OTUD7B: variants seen among roughly 807,000 people sequenced by gnomAD.
OTUD7B encodes the protein OTU deubiquitinase 7B.
A neutral mutation model predicts 82.2 loss-of-function variants in OTUD7B; 34 were observed. The ratio of observed to expected loss-of-function variants is 0.41; its 90% CI spans 0.31 to 0.55. The LOEUF (loss-of-function observed/expected upper bound fraction) is 0.55. OTUD7B is among the 20% of genes least tolerant of loss of function. OTUD7B has a pLI of 0.20. For synonymous variants in OTUD7B, 398 were observed against 402.7 expected (o/e 0.99, Z 0.14); for missense variants, 944 against 1,062.1 (o/e 0.89, Z 1.55).
the OTUD7B span, among the ~76,000 whole-genome samples, chr1:150,028,594 G>A: frequency 1.3e-5 from 2 of 152,116 alleles, no homozygotes; most frequent in Non-Finnish European, 2.9e-5. Flanking sequence ...TAAACAATAA[G>A]TCTCCATTCT....
intron 1 of OTUD7B, among the ~76,000 whole-genome samples, chr1:149,987,954 A>T (rs1651267068): frequency 6.6e-6 from 1 of 152,196 alleles, no homozygotes; most frequent in African/African-American, 2.4e-5. Flanking sequence ...ATTTACTGGA[A>T]TCCCAATGTC....
At chr1:149,957,243 T>G (rs1648754268) in intron 7 of OTUD7B, among the ~76,000 whole-genome samples, 1 of 151,724 alleles carries the variant, frequency 6.6e-6, no homozygotes, top group Non-Finnish European at 1.5e-5. Flanking sequence ...TCTGTTAGTT[T>G]TCCTTCTAAC....
At chr1:150,014,056 ATATG>A (rs1437559288), upstream of OTUD7B, among the ~76,000 whole-genome samples, 17 of 77,320 alleles carry the variant, frequency 2.2e-4, no homozygotes, top group African/African-American at 6.8e-4. Context: ...GTGTGTATAT[ATATG>A]TGTGTGTGTG....
the OTUD7B span, among the ~76,000 whole-genome samples, chr1:150,026,074 T>C: frequency 6.6e-6 from 1 of 152,228 alleles, no homozygotes; most frequent in African/African-American, 2.4e-5. Flanking sequence ...TAGAATTTTA[T>C]GGAGAAATAG....
At chr1:150,056,043 T>TTAAA in the OTUD7B span, among the ~76,000 whole-genome samples, 20 of 152,084 alleles carry the variant, frequency 1.3e-4, no homozygotes, top group South Asian at 2.9e-3. Context: ...AAATAAAAGT[T>TTAAA]TAAATAAATA....
At chr1:150,041,666 C>T in the OTUD7B span, among the ~76,000 whole-genome samples, 1 of 152,140 alleles carries the variant, frequency 6.6e-6, no homozygotes, top group Non-Finnish European at 1.5e-5. Flanking sequence ...TCTCCTTCTC[C>T]ATCTTTCTTT....
the OTUD7B span, among the ~76,000 whole-genome samples, chr1:150,060,333 T>C: frequency 1.3e-5 from 2 of 152,132 alleles, no homozygotes; most frequent in Non-Finnish European, 2.9e-5. Flanking sequence ...ACGAGGTCAT[T>C]AGGGTGGGCC....
intron 1 of OTUD7B, among the ~76,000 whole-genome samples, chr1:149,997,690 C>T (rs1652006511): frequency 6.6e-6 from 1 of 152,144 alleles, no homozygotes; most frequent in Non-Finnish European, 1.5e-5. Flanking sequence ...GCATTAAGAG[C>T]CTGATAGACT....
chr1:150,006,180 C>T (rs1197891657), intron 1 of OTUD7B, among the ~76,000 whole-genome samples: 11 of 152,070 alleles, frequency 7.2e-5, no homozygotes, highest in East Asian at 3.9e-4. Flanking sequence ...ATTTTCGGCC[C>T]GGCACACTGG....
the OTUD7B span, among the ~76,000 whole-genome samples, chr1:150,038,663 AG>A: frequency 6.6e-6 from 1 of 152,206 alleles, no homozygotes; most frequent in Admixed American, 6.5e-5. Flanking sequence ...CTGGGATTAC[AG>A]GCATGAGCCA....
At chr1:150,065,849 G>GTTTCTTTTTTTT in the OTUD7B span, among the ~76,000 whole-genome samples, 3 of 151,526 alleles carry the variant, frequency 2.0e-5, no homozygotes, top group African/African-American at 7.4e-5. Context: ...TGTTCAAAAT[G>GTTTCTTTTTTTT]TTTATGTTCC....
intron 3 of OTUD7B, among the ~76,000 whole-genome samples, chr1:149,968,278 AG>A (rs1161785877): frequency 0.018 from 2,657 of 150,642 alleles, 71 homozygotes; most frequent in African/African-American, 0.059. Context: ...AAAAAAAAAA[AG>A]ACAATCAACA....
chr1:149,958,494 A>AT (rs1428042297), intron 7 of OTUD7B, among the ~76,000 whole-genome samples: 2 of 151,376 alleles, frequency 1.3e-5, no homozygotes, highest in Non-Finnish European at 2.9e-5. Flanking sequence ...CGCCCAGCTA[A>AT]TTTTTTGTAT....
Position 149,958,473 on chromosome 1 carries a change from G to A in OTUD7B, c.845+1211C>T, listed in dbSNP as rs782602603. On this transcript the variant is annotated intron_variant, in intron 7 of 11. Coordinates refer to ENST00000581312, the MANE Select transcript of OTUD7B (RefSeq NM_020205.4). ...CTCTCGAGTAGCTGGGATTACAGCCGCCTAGCACCACGCCCAGCTAATTTT... is the reference window on the plus strand; with the variant it reads ...CTCTCGAGTAGCTGGGATTACAGCCACCTAGCACCACGCCCAGCTAATTTT... Among the ~76,000 whole-genome samples the A allele has an allele frequency of 9.9e-5, 15 of 151,302 alleles. 1 individual carries two copies. The highest frequency in any genetic ancestry group is 4.2e-4 in the South Asian group (2 of 4,806).
At chr1:149,962,938 C>A (rs1553775845) in intron 6 of OTUD7B, 4 of 152,178 alleles carry the variant, frequency 2.6e-5, no homozygotes, top group African/African-American at 9.7e-5. Flanking sequence ...AAAAGAATGT[C>A]AAGTACTTAT....
intron 1 of OTUD7B, among the ~76,000 whole-genome samples, chr1:149,993,171 A>C (rs1553782564): frequency 6.6e-6 from 1 of 152,206 alleles, no homozygotes; most frequent in Non-Finnish European, 1.5e-5. Flanking sequence ...ACAGCCTGAA[A>C]GCATCAAAGC....
Position 149,967,511 on chromosome 1 carries a change from C to T in OTUD7B, c.285G>A (p.Leu95=). Residue 95 remains leucine (L), a synonymous_variant, in exon 4 of 12, where the codon CTG becomes CTA. Coordinates refer to ENST00000581312, the MANE Select transcript of OTUD7B (RefSeq NM_020205.4). ...RQDDIVQEKR[L]SRGISHASSS... is the part of the protein sequence containing the mutation. Reference sequence around the variant, plus strand: ...AGCTGGCGTGGGAGATGCCCCTAGACAGGCGTTTTTCTGCAATGAGAAATG... The same window carrying T: ...AGCTGGCGTGGGAGATGCCCCTAGATAGGCGTTTTTCTGCAATGAGAAATG... 6.3e-7 allele frequency: 1 copy of T among 1,598,450 alleles called. No individual in the cohort carries two copies. The highest frequency in any genetic ancestry group is 8.5e-7 in the Non-Finnish European group (1 of 1,171,960).
At chr1:149,976,377 C>T (rs1482591098) in intron 2 of OTUD7B, among the ~76,000 whole-genome samples, 1 of 151,572 alleles carries the variant, frequency 6.6e-6, no homozygotes, top group African/African-American at 2.4e-5. Context: ...TGGGAGAGGC[C>T]GAGGCAGGCG....
the OTUD7B span, among the ~76,000 whole-genome samples, chr1:150,017,345 G>T: frequency 6.6e-6 from 1 of 152,158 alleles, no homozygotes; most frequent in Non-Finnish European, 1.5e-5. Context: ...TTAAAAAAGG[G>T]CCCTTGGCAA....
Sources: gnomAD v4.1 joint callset for allele counts (sites outside exome capture counted in the v4.1 genomes callset) on GRCh38, gnomAD v4.1.1 for gene constraint, MANE v1.5 for transcripts, NCBI Gene and HGNC (gene_info 2026-07-23, HGNC 2026-07-21) for gene names.